The following POMGNT1 variants were observed in gnomAD, a reference collection of about 807,000 sequenced individuals.
POMGNT1 encodes protein O-linked mannose N-acetylglucosaminyltransferase 1 (beta 1,2-).
Under a neutral mutation model 95.6 loss-of-function variants are expected in POMGNT1, and 67 were observed. That is an observed-to-expected ratio of 0.70 (90% CI 0.58 to 0.86). POMGNT1 has a LOEUF of 0.86. Ranked by LOEUF, POMGNT1 falls within the 40% of genes least tolerant of loss-of-function variation. POMGNT1 has a pLI of 0.00. For synonymous variants in POMGNT1, 298 were observed against 317.9 expected (o/e 0.94, Z 0.66); for missense variants, 719 against 855.2 (o/e 0.84, Z 1.99).
At chr1:46,192,055 ACTGT>A (rs746141736) in intron 17 of POMGNT1, 39 bp downstream of exon 17, 1 of 1,588,110 alleles carries the variant, frequency 6.3e-7, no homozygotes, top group East Asian at 2.2e-5. Context: ...CTTGTTCTTG[ACTGT>A]CATGCCACAC....
chr1:46,200,398 T>C (rs1658503000), upstream of POMGNT1, among the ~76,000 whole-genome samples: 1 of 152,128 alleles, frequency 6.6e-6, no homozygotes, highest in Non-Finnish European at 1.5e-5. Context: ...CAGCACAACT[T>C]CTGGAATCAT....
upstream of POMGNT1, among the ~76,000 whole-genome samples, chr1:46,199,707 C>A (rs1351007555): frequency 6.6e-6 from 1 of 152,122 alleles, no homozygotes; most frequent in Non-Finnish European, 1.5e-5. Flanking sequence ...AGCCAGAAGA[C>A]CAGTTAGATT....
rs762760509 is a variant in POMGNT1 at position 46,196,757 on chromosome 1, C to T, written c.328G>A (p.Val110Ile). Reference sequence around the variant, plus strand: ...GTGGTGCCATCCACTGCCACATATACTTTGCTGCGACTTGAATACACCTCT... The same window carrying T: ...GTGGTGCCATCCACTGCCACATATATTTTGCTGCGACTTGAATACACCTCT... ...DVEVYSSRSK[V>I]YVAVDGTTVL... Residue 110 changes from valine to isoleucine, a missense_variant, in exon 4 of 22, where the codon GTA (valine) becomes ATA (isoleucine). Physicochemically the swap from Val to Ile is conservative, Grantham distance 29. Around this residue, in one of 5 missense-constraint regions of POMGNT1, gnomAD observed 466 missense variants for 517.4 expected, o/e 0.90. Coordinates refer to ENST00000371984, the MANE Select transcript of POMGNT1 (RefSeq NM_017739.4). This position sits in a 1 kb window ranked among gnomAD's most constrained non-coding sequence, Gnocchi z 4.4. 1.9e-5 allele frequency: 30 copies of T among 1,614,222 alleles called. No individual in the cohort carries two copies. Among genetic ancestry groups the T allele is most frequent in the South Asian group, 4.4e-5 (4 of 91,090 alleles).
At position 46,197,085 on chromosome 1, in the gene POMGNT1, C is replaced by T; in HGVS notation, c.121-1G>A. ...CCAGCAGGAAAAGCACGGCCCCTGT[C>T]TGAGGGGAGGGGTAGGGATGATTAA... On this transcript the variant is annotated splice_acceptor_variant, in intron 2 of 21. Transcript: ENST00000371984. LOFTEE classifies it high-confidence loss of function. The T allele has an allele frequency of 6.2e-7, 1 of 1,614,178 alleles. No individual in the cohort carries two copies. Among genetic ancestry groups the T allele is most frequent in the African/African-American group, 1.3e-5 (1 of 75,064 alleles).
At chr1:46,209,524 CTGT>C (rs1378893331) in intron 1 of POMGNT1, among the ~76,000 whole-genome samples, 6 of 149,068 alleles carry the variant, frequency 4.0e-5, no homozygotes, top group East Asian at 4.0e-4. Context: ...GATGTAAGTT[CTGT>C]TGTTGTTTTC....
At chr1:46,209,172 G>A (rs1658814318) in intron 1 of POMGNT1, among the ~76,000 whole-genome samples, 1 of 152,100 alleles carries the variant, frequency 6.6e-6, no homozygotes, top group Non-Finnish European at 1.5e-5. Context: ...TTACAGGCAT[G>A]TGACACCATG....
Position 46,193,224 on chromosome 1 carries a change from G to A in POMGNT1, c.1111-9C>T, listed in dbSNP as rs757533535. 286 of 1,614,170 alleles carry A rather than the reference G, an allele frequency of 1.8e-4. 1 individual carries two copies. Among genetic ancestry groups the A allele is most frequent in the South Asian group, 1.5e-3 (139 of 91,064 alleles). On this transcript the variant is annotated splice_polypyrimidine_tract_variant and intron_variant, in intron 12 of 21. Coordinates refer to ENST00000371984, the MANE Select transcript of POMGNT1 (RefSeq NM_017739.4). ...AGGCTGGCCTTGTAGTGCTGGGAGT[G>A]GGGTGGGAATAGGGCACATGAGCTT...
At chr1:46,191,806 T>C (rs578062325) in intron 17 of POMGNT1, 31 of 369,922 alleles carry the variant, frequency 8.4e-5, no homozygotes, top group Admixed American at 5.3e-4. Context: ...GGCTAATTTT[T>C]TGTATTTTTA....
intron 1 of POMGNT1, among the ~76,000 whole-genome samples, chr1:46,215,545 A>C (rs976142330): frequency 1.3e-5 from 2 of 152,344 alleles, no homozygotes; most frequent in South Asian, 2.1e-4. Flanking sequence ...GAAAAGGGTC[A>C]CATACAAAGG....
At chr1:46,203,400 C>G (rs774933954), upstream of POMGNT1, 1 of 1,438,780 alleles carries the variant, frequency 7.0e-7, no homozygotes, top group Non-Finnish European at 9.1e-7. Context: ...CGTCCGGTCG[C>G]CCAGCCCTTT....
At chr1:46,189,640 C>A (rs1657593639) in intron 20 of POMGNT1, 73 bp from the exon 21 acceptor site, 2 of 1,561,448 alleles carry the variant, frequency 1.3e-6, no homozygotes, top group Admixed American at 1.9e-5. Flanking sequence ...GACCCTTTGG[C>A]CCAGCCCCCA....
rs1045391020 is a variant in POMGNT1 at position 46,215,993 on chromosome 1, G to A, written c.-51+3712C>T. Among the ~76,000 whole-genome samples, 30 of 150,264 alleles carry A rather than the reference G, an allele frequency of 2.0e-4. 1 individual carries two copies. The highest frequency in any genetic ancestry group is 6.4e-4 in the African/African-American group (26 of 40,866). ...TATATCCTGCCAAACTATCAATAGTGTGAGGAAAGATTAATAACTTTTTAA... is the reference window on the plus strand; with the variant it reads ...TATATCCTGCCAAACTATCAATAGTATGAGGAAAGATTAATAACTTTTTAA... On this transcript the variant is annotated intron_variant, in intron 1 of 22. Coordinates refer to the POMGNT1 transcript ENST00000371992.
upstream of POMGNT1, among the ~76,000 whole-genome samples, chr1:46,199,298 G>A (rs1399028012): frequency 6.6e-6 from 1 of 152,180 alleles, no homozygotes; most frequent in Non-Finnish European, 1.5e-5. Context: ...ATATCACAAA[G>A]CTAGGAGAGG....
chr1:46,193,512 A>G, intron 11 of POMGNT1, 52 bp downstream of exon 11: 3 of 1,613,838 alleles, frequency 1.9e-6, no homozygotes, highest in Non-Finnish European at 2.5e-6. Context: ...CCTGGCAATC[A>G]CTGCTGCTCC....
chr1:46,193,089 G>C, intron 13 of POMGNT1, 85 bp downstream of exon 13: 1 of 1,606,104 alleles, frequency 6.2e-7, no homozygotes, highest in East Asian at 2.2e-5. Flanking sequence ...CCCAGTGAGG[G>C]GAAGAGCTTG....
At position 46,188,694 on chromosome 1, in the gene POMGNT1, TCTC is replaced by T. The variant is rs1206352237; in HGVS notation, c.*573_*575del. On this transcript the variant is annotated 3_prime_UTR_variant, in exon 22 of 22. Transcript: ENST00000371984. ...AATCACAAGACATCCCCAGAGGGCT[TCTC>T]CTTTTTTAATCAATGACCAACTTAT... The T allele has an allele frequency of 6.5e-5, 104 of 1,595,048 alleles. No individual in the cohort carries two copies. The highest frequency in any genetic ancestry group is 1.8e-4 in the Middle Eastern group (1 of 5,490).
chr1:46,192,954 G>A lies in POMGNT1; in HGVS notation c.1157C>T (p.Ala386Val), dbSNP rs778179887. The A allele has an allele frequency of 3.0e-5, 48 of 1,614,130 alleles. No homozygotes were observed. The highest frequency in any genetic ancestry group is 4.1e-5 in the Non-Finnish European group (48 of 1,180,002). The change falls in exon 14 of 22, where the codon GCC becomes GTC. Residue 386 changes from alanine (A) to valine (V), a missense_variant. Physicochemically the swap from Ala to Val is moderately conservative, Grantham distance 64 (BLOSUM62 0). Transcript: ENST00000371984. Reference sequence around the variant, plus strand: ...CTCTTCCAGAACCACAGCAAACTTGGCCTCCTAGAAGGGGAATGGGACATC... The same window carrying A: ...CTCTTCCAGAACCACAGCAAACTTGACCTCCTAGAAGGGGAATGGGACATC... The part of the protein sequence containing the change: ...LTATFNLFPE[A>V]KFAVVLEEDL...
rs886042638 is a variant in POMGNT1, at chr1:46,194,935, G to A, written c.561C>T (p.Asp187=). 6.2e-7 allele frequency: 1 copy of A among 1,614,134 alleles called. No homozygotes were observed. Among genetic ancestry groups the A allele is most frequent in the Non-Finnish European group, 8.5e-7 (1 of 1,180,052 alleles). Residue 187 remains aspartate, a synonymous_variant, in exon 7 of 22, where the codon GAC becomes GAT. Transcript: ENST00000371984. ...GGCTCCTCAGCAGAGCCTTGGCTGT[G>A]TCCTTGAGGTGGAAGGAGCCCTCAT... ...VKDEGSFHLK[D]TAKALLRSLG...
In POMGNT1 at chr1:46,189,571, G is replaced by C; in HGVS notation, c.1786-4C>G. On this transcript the variant is annotated splice_region_variant and splice_polypyrimidine_tract_variant and intron_variant, in intron 20 of 21. Coordinates refer to ENST00000371984, the MANE Select transcript of POMGNT1 (RefSeq NM_017739.4). The stretch of plus-strand genomic sequence containing the variant: ...CCAGGTCCCAGATATGGAGGCACTA[G>C]TGAGGGTGGGATGGAGACAGAGACA... 1 of 1,609,058 alleles carries C rather than the reference G, an allele frequency of 6.2e-7. No homozygotes were observed. The highest frequency in any genetic ancestry group is 8.5e-7 in the Non-Finnish European group (1 of 1,177,410).
Sources: gnomAD v4.1 joint callset for allele counts (sites outside exome capture counted in the v4.1 genomes callset) on GRCh38, gnomAD v4.1.1 for gene constraint, gnomAD v4.1.1 regional missense constraint, Gnocchi (gnomAD v3.1) non-coding constraint, MANE v1.5 for transcripts, NCBI Gene and HGNC (gene_info 2026-07-23, HGNC 2026-07-21) for gene names.